The following FMN2 variants were observed in gnomAD, a reference collection of about 807,000 sequenced individuals.
FMN2 encodes the protein formin-2.
FMN2 carries 51 observed loss-of-function variants against 142.3 expected under a neutral mutation model. The ratio of observed to expected loss-of-function variants is 0.36; its 90% CI spans 0.29 to 0.45. FMN2 has a LOEUF of 0.45. FMN2 is among the 20% of genes least tolerant of loss of function. The probability of loss-of-function intolerance (pLI) is 1.00; values close to 1 mark genes in which losing one functional copy is unlikely to be tolerated. For synonymous variants in FMN2, 882 were observed against 869.8 expected (o/e 1.01, Z -0.25); for missense variants, 1,936 against 2,122.8 (o/e 0.91, Z 1.73).
At chr1:240,185,638 A>C (rs1341988153) in intron 3 of FMN2, among the ~76,000 whole-genome samples, 2 of 152,198 alleles carry the variant, frequency 1.3e-5, no homozygotes, top group African/African-American at 4.8e-5. Context: ...CCAGAAGTTT[A>C]CTTTTTGGGT....
rs567444734 is a variant in FMN2, at chr1:240,256,301, T to C, written c.4066-1644T>C. On this transcript the variant is annotated intron_variant, in intron 6 of 17. Coordinates refer to ENST00000319653, the MANE Select transcript of FMN2 (RefSeq NM_020066.5). Reference sequence around the variant, plus strand: ...CTTTGCTGTACTAATAGGCCCATATTCTAGTTTTAACCTCATCTTTCTAGG... The same window carrying C: ...CTTTGCTGTACTAATAGGCCCATATCCTAGTTTTAACCTCATCTTTCTAGG... Among the ~76,000 whole-genome samples the C allele has an allele frequency of 2.0e-5, 3 of 152,274 alleles. No individual in the cohort carries two copies. The South Asian group carries it at 6.2e-4, about 32-fold the overall frequency.
intron 7 of FMN2, among the ~76,000 whole-genome samples, chr1:240,287,149 C>T (rs1306352559): frequency 6.6e-6 from 1 of 152,190 alleles, no homozygotes; most frequent in African/African-American, 2.4e-5. Flanking sequence ...TACATGTCCT[C>T]GTCGTCCTGA....
intron 2 of FMN2, among the ~76,000 whole-genome samples, chr1:240,124,658 T>C (rs1303756144): frequency 2.0e-5 from 3 of 152,130 alleles, no homozygotes; most frequent in Admixed American, 6.6e-5. Context: ...GATTTTTAGT[T>C]GAGGATAATG....
rs1027998528 is a variant in FMN2, at chr1:240,092,688, G to T, written c.579G>T (p.Glu193Asp). The T allele has an allele frequency of 1.2e-6, 2 of 1,614,064 alleles. No homozygotes were observed. Among genetic ancestry groups the T allele is most frequent in the Non-Finnish European group, 1.7e-6 (2 of 1,179,996 alleles). The change falls in exon 1 of 18, where the codon GAG becomes GAT. Residue 193 changes from glutamate to aspartate, a missense_variant. Transcript: ENST00000319653. ...GCTTCCATTCGGCTACGGAGCAAGA[G>T]GATTTGCTTTCAGACATCCAGCAGG... ...IYSFHSATEQ[E>D]DLLSDIQQAI... is the part of the protein sequence containing the mutation.
At chr1:240,372,663 G>A (rs1474702317) in intron 14 of FMN2, among the ~76,000 whole-genome samples, 1 of 140,400 alleles carries the variant, frequency 7.1e-6, no homozygotes, top group Non-Finnish European at 1.5e-5. Context: ...TTTTAAGGCT[G>A]TTTTGAAAGC....
chr1:240,348,723 C>T (rs531374060), intron 13 of FMN2, among the ~76,000 whole-genome samples: 1 of 152,200 alleles, frequency 6.6e-6, no homozygotes, highest in Admixed American at 6.5e-5. Flanking sequence ...AATTTTACCC[C>T]CTAAATATTT....
At chr1:240,437,938 G>A in intron 15 of FMN2, 123 bp from the exon 16 acceptor site, 2 of 1,239,234 alleles carry the variant, frequency 1.6e-6, no homozygotes, top group Non-Finnish European at 2.2e-6. Flanking sequence ...TGCTTGAAGA[G>A]CTTGAGTCCT....
chr1:240,437,006 C>T (rs996432212), intron 15 of FMN2, among the ~76,000 whole-genome samples: 4 of 152,258 alleles, frequency 2.6e-5, no homozygotes, highest in South Asian at 2.1e-4. Context: ...TCTTGCCACG[C>T]GTTATCGACT....
At chr1:240,152,233 C>G (rs1344450709) in intron 2 of FMN2, among the ~76,000 whole-genome samples, 1 of 151,936 alleles carries the variant, frequency 6.6e-6, no homozygotes, top group Non-Finnish European at 1.5e-5. Context: ...CAGTCCTGAT[C>G]CTCTGTCTTC....
Position 240,207,422 on chromosome 1 carries a change from G to C in FMN2, c.2610G>C (p.Met870Ile). The change falls in exon 5 of 18, where the codon ATG becomes ATC. Residue 870 changes from methionine (M) to isoleucine (I), a missense_variant. Transcript: ENST00000319653. ...CTTGCACAGAGTCCTCCAGCTCCAT[G>C]CCTGGCCTGGGCATGGTGCCTCCCC... Reference protein sequence around the residue: ...PLPCTESSSSMPGLGMVPPPP... With the variant: ...PLPCTESSSSIPGLGMVPPPP... 2 of 1,613,636 alleles carry C rather than the reference G, an allele frequency of 1.2e-6. No homozygotes were observed. Among genetic ancestry groups the C allele is most frequent in the Non-Finnish European group, 1.7e-6 (2 of 1,179,828 alleles).
At chr1:240,359,326 G>A (rs1480336756) in intron 14 of FMN2, among the ~76,000 whole-genome samples, 2 of 152,132 alleles carry the variant, frequency 1.3e-5, no homozygotes, top group Non-Finnish European at 2.9e-5. Context: ...TCTGTGCTTA[G>A]ATTCATTTAT....
intron 13 of FMN2, among the ~76,000 whole-genome samples, chr1:240,342,001 A>G (rs149850015): frequency 1.6e-4 from 24 of 152,264 alleles, no homozygotes; most frequent in African/African-American, 5.5e-4. Flanking sequence ...TCCAGTAGAG[A>G]GACTGGTTCC....
At chr1:240,319,921 A>AT (rs1052004076) in intron 8 of FMN2, among the ~76,000 whole-genome samples, 1 of 152,096 alleles carries the variant, frequency 6.6e-6, no homozygotes, top group Non-Finnish European at 1.5e-5. Context: ...AGCGTTAATG[A>AT]TTTTTTTCCC....
intron 1 of FMN2, among the ~76,000 whole-genome samples, chr1:240,107,281 C>G (rs1052871470): frequency 1.3e-5 from 2 of 152,028 alleles, no homozygotes; most frequent in African/African-American, 4.8e-5. Flanking sequence ...CCTGGAGAGG[C>G]TGAATTTGAC....
rs531735743 is a variant in FMN2, at chr1:240,105,404, C to G, written c.1615+11680C>G. On this transcript the variant is annotated intron_variant, in intron 1 of 17. Transcript: ENST00000319653. ...AGTTACAGGTGTGAGCCACTGCACCCGGCCTCCATATAAATTTAGAATAAA... is the reference window on the plus strand; with the variant it reads ...AGTTACAGGTGTGAGCCACTGCACCGGGCCTCCATATAAATTTAGAATAAA... Among the ~76,000 whole-genome samples the G allele has an allele frequency of 1.2e-4, 19 of 152,124 alleles. No homozygotes were observed. In the East Asian group the frequency reaches 3.5e-3, roughly 28 times the overall value.
At chr1:240,141,968 A>G (rs568067661) in intron 2 of FMN2, among the ~76,000 whole-genome samples, 54 of 152,238 alleles carry the variant, frequency 3.5e-4, no homozygotes, top group Admixed American at 2.1e-3. Flanking sequence ...GGTAATTTAG[A>G]CTTAGTTCCC....
intron 2 of FMN2, among the ~76,000 whole-genome samples, chr1:240,136,388 A>G (rs1347324520): frequency 6.6e-6 from 1 of 152,246 alleles, no homozygotes; most frequent in Non-Finnish European, 1.5e-5. Context: ...AATGCTTCCC[A>G]ACAGTAAAGT....
At chr1:240,381,323 A>G (rs1673219490) in intron 14 of FMN2, among the ~76,000 whole-genome samples, 1 of 152,238 alleles carries the variant, frequency 6.6e-6, no homozygotes, top group Admixed American at 6.5e-5. Context: ...ATAATATTAT[A>G]CATCACCATC....
intron 15 of FMN2, among the ~76,000 whole-genome samples, chr1:240,417,251 C>T (rs1674607119): frequency 6.6e-6 from 1 of 150,896 alleles, no homozygotes; most frequent in African/African-American, 2.4e-5. Flanking sequence ...CATATTTTCT[C>T]ACCCTTTAAC....
Sources: gnomAD v4.1 joint callset for allele counts (sites outside exome capture counted in the v4.1 genomes callset) on GRCh38, gnomAD v4.1.1 for gene constraint, MANE v1.5 for transcripts, NCBI Gene and HGNC (gene_info 2026-07-23, HGNC 2026-07-21) for gene names.